The following NRK variants were observed in gnomAD, a reference collection of about 807,000 sequenced individuals.
NRK encodes nik-related protein kinase.
A neutral mutation model predicts 125.2 loss-of-function variants in NRK; 67 were observed. That is an observed-to-expected ratio of 0.54 (90% CI 0.44 to 0.66). The LOEUF is 0.66. NRK is among the 30% of genes least tolerant of loss of function. The pLI, the probability that NRK is intolerant of heterozygous loss-of-function variation, is 0.00. For synonymous variants in NRK, 458 were observed against 429.0 expected (o/e 1.07, Z -0.84); for missense variants, 1,224 against 1,192.9 (o/e 1.03, Z -0.38).
intron 2 of NRK, among the ~76,000 whole-genome samples, chrX:105,872,088 T>C (rs1031581809): frequency 3.2e-4 from 36 of 111,409 alleles, no homozygotes; most frequent in Middle Eastern, 4.7e-3. Context: ...CTGAGTTTTC[T>C]CCAAAAGGAA....
chrX:105,868,433 A>T (rs2039699929), intron 2 of NRK, among the ~76,000 whole-genome samples: 2 of 111,107 alleles, frequency 1.8e-5, no homozygotes, highest in African/African-American at 6.6e-5. Flanking sequence ...TACTCCTCCT[A>T]CATGCATGCA....
chrX:105,894,408 A>C (rs2147726846), intron 6 of NRK, among the ~76,000 whole-genome samples: 1 of 111,598 alleles, frequency 9.0e-6, no homozygotes, highest in Non-Finnish European at 1.9e-5. Flanking sequence ...TTTATTTTCC[A>C]CACCCAGTTG....
At chrX:105,950,217 T>C (rs1371328147) in intron 27 of NRK, among the ~76,000 whole-genome samples, 1 of 111,352 alleles carries the variant, frequency 9.0e-6, no homozygotes, top group African/African-American at 3.3e-5. Context: ...TTTAGAAAAG[T>C]GACAGATATG....
At position 105,909,180 on chromosome X, in the gene NRK, G is replaced by T. The variant is rs200137432; in HGVS notation, c.1539G>T (p.Leu513Phe). Residue 513 changes from leucine (L) to phenylalanine (F), a missense_variant, in exon 13 of 29, where the codon TTG becomes TTT. Physicochemically the swap from Leu to Phe is conservative, Grantham distance 22. Coordinates refer to ENST00000243300, the MANE Select transcript of NRK (RefSeq NM_198465.4). The stretch of plus-strand genomic sequence containing the variant: ...CCCAGACATCAGAACCACAAGATTT[G>T]GACCAGGTACCAGAGGAATTTCAGG... Reference protein sequence around the residue: ...AQTQTSEPQDLDQVPEEFQGQ... With the variant: ...AQTQTSEPQDFDQVPEEFQGQ... 5.7e-5 allele frequency: 69 copies of T among 1,208,867 alleles called. No individual in the cohort carries two copies. In the African/African-American group the frequency reaches 9.8e-4, roughly 17 times the overall value.
rs775009772 is a variant in NRK, at chrX:105,909,411, C to T, written c.1770C>T (p.Pro590=). 7.5e-6 allele frequency: 9 copies of T among 1,205,477 alleles called. No homozygotes were observed. Among genetic ancestry groups the T allele is most frequent in the Non-Finnish European group, 9.0e-6 (8 of 893,015 alleles). Residue 590 remains proline, a synonymous_variant, in exon 13 of 29, where the codon CCC becomes CCT. Coordinates refer to ENST00000243300, the MANE Select transcript of NRK (RefSeq NM_198465.4). ...GAGTAAATGCCCAGGTATTTCTGCC[C>T]CTGCTATCACAAGATCACCATGTGC... ...SLRVNAQVFL[P]LLSQDHHVLL... is the part of the protein sequence containing the mutation.
chrX:105,887,945 T>C (rs973861657), intron 4 of NRK, among the ~76,000 whole-genome samples: 37 of 112,185 alleles, frequency 3.3e-4, no homozygotes, highest in Middle Eastern at 4.7e-3. Flanking sequence ...AATGGGTGAA[T>C]TTTATAGTAT....
At chrX:105,955,269 A>G (rs897668957) in intron 28 of NRK, among the ~76,000 whole-genome samples, 1 of 111,819 alleles carries the variant, frequency 8.9e-6, no homozygotes, top group African/African-American at 3.2e-5. Context: ...TACTAATTTT[A>G]TTTAACCATA....
intron 2 of NRK, among the ~76,000 whole-genome samples, chrX:105,849,294 G>A (rs964822224): frequency 5.4e-5 from 6 of 111,302 alleles, no homozygotes; most frequent in East Asian, 2.8e-4. Context: ...GGGAAAGACC[G>A]GCCCCCATGA....
chrX:105,899,812 C>CA (rs1311774679), intron 8 of NRK, among the ~76,000 whole-genome samples: 1 of 110,296 alleles, frequency 9.1e-6, no homozygotes, highest in Non-Finnish European at 1.9e-5. Context: ...ACTAAAAATA[C>CA]AAAAAATTAG....
At chrX:105,846,785 G>T (rs2039407750) in intron 2 of NRK, among the ~76,000 whole-genome samples, 2 of 111,826 alleles carry the variant, frequency 1.8e-5, no homozygotes, top group Admixed American at 1.9e-4. Flanking sequence ...GAGACTATTT[G>T]CTGTAATGTA....
At chrX:105,837,883 G>T (rs1340811314) in intron 2 of NRK, among the ~76,000 whole-genome samples, 1 of 111,433 alleles carries the variant, frequency 9.0e-6, no homozygotes, top group Non-Finnish European at 1.9e-5. Flanking sequence ...AAGAGCAATA[G>T]ACACAGAAAG....
intron 20 of NRK, among the ~76,000 whole-genome samples, chrX:105,934,811 T>A (rs1317334851): frequency 8.9e-6 from 1 of 112,064 alleles, no homozygotes; most frequent in Non-Finnish European, 1.9e-5. Flanking sequence ...GAAAGAAATT[T>A]ATTTGTTTTT....
intron 2 of NRK, among the ~76,000 whole-genome samples, chrX:105,854,634 A>G (rs1436504328): frequency 8.9e-6 from 1 of 112,014 alleles, no homozygotes; most frequent in Non-Finnish European, 1.9e-5. Flanking sequence ...GTTCTGGTCC[A>G]TAATATGTCA....
chrX:105,917,501 G>A, intron 15 of NRK, 77 bp from the exon 16 acceptor site: 1 of 544,650 alleles, frequency 1.8e-6, no homozygotes, highest in Non-Finnish European at 2.8e-6. Context: ...AAAACTTTGT[G>A]TTGGACTTTA....
intron 16 of NRK, among the ~76,000 whole-genome samples, chrX:105,921,378 A>G (rs1285623857): frequency 9.4e-6 from 1 of 106,550 alleles, no homozygotes. Context: ...TATACCTAAT[A>G]CTAGATGACG....
At chrX:105,886,390 TACAC>T (rs754125678) in intron 4 of NRK, among the ~76,000 whole-genome samples, 136 of 105,365 alleles carry the variant, frequency 1.3e-3, no homozygotes, top group African/African-American at 4.3e-3. Context: ...CACACACACA[TACAC>T]ATACAGACAC....
At chrX:105,831,153 T>C (rs369465536) in intron 2 of NRK, 34 bp downstream of exon 2, 240 of 860,592 alleles carry the variant, frequency 2.8e-4, no homozygotes, top group Non-Finnish European at 3.9e-4. Flanking sequence ...TCATTCTTCA[T>C]TTTCTAATGA....
rs1481158661 is a variant in NRK at position 105,953,044 on chromosome X, T to C, written c.4524T>C (p.Cys1508=). The change falls in exon 28 of 29, where the codon TGT becomes TGC. Residue 1508 remains cysteine (C), a synonymous_variant. Transcript: ENST00000243300. ...KDIPSSIAFE[C]TQRTTGWGQK... is the part of the protein sequence containing the mutation. ...TCATTTGTATTGTAGCTTTTGAATG[T>C]ACACAGCGAACCACAGGATGGGGCC... 1 of 1,177,003 alleles carries C rather than the reference T, an allele frequency of 8.5e-7. No individual in the cohort carries two copies. Among genetic ancestry groups the C allele is most frequent in the East Asian group, 3.0e-5 (1 of 33,284 alleles).
At position 105,908,875 on chromosome X, in the gene NRK, G is replaced by T. The variant is rs200574475; in HGVS notation, c.1234G>T (p.Ala412Ser). ...QVQALQQLQGAARVFMPLQAL... is the reference protein window; with the variant it reads ...QVQALQQLQGSARVFMPLQAL... ...CCAGGCACTTCAGCAGCTACAGGGA[G>T]CAGCCAGGGTATTCATGCCACTGCA... is the stretch of plus-strand genomic sequence containing the variant. Residue 412 changes from alanine to serine, a missense_variant, in exon 13 of 29, where the codon GCA becomes TCA. By Grantham distance (99) the Ala-to-Ser change is moderately conservative. Coordinates refer to ENST00000243300, the MANE Select transcript of NRK (RefSeq NM_198465.4). 4 of 1,210,541 alleles carry T rather than the reference G, an allele frequency of 3.3e-6. No homozygotes were observed. Among genetic ancestry groups the T allele is most frequent in the Non-Finnish European group, 3.4e-6 (3 of 894,628 alleles).
Sources: allele counts gnomAD v4.1 joint callset (sites outside exome capture counted in the v4.1 genomes callset), GRCh38; gene constraint gnomAD v4.1.1; transcripts MANE v1.5; gene names NCBI Gene and HGNC (gene_info 2026-07-23, HGNC 2026-07-21).